Variants in SMOC2 observed in about 807,000 individuals in gnomAD.
SMOC2 encodes the protein SPARC-related modular calcium-binding protein 2.
Under a neutral mutation model 61.4 loss-of-function variants are expected in SMOC2, and 39 were observed. The ratio of observed to expected loss-of-function variants is 0.64; its 90% CI spans 0.49 to 0.83. SMOC2 has a LOEUF of 0.83. SMOC2 is among the 40% of genes least tolerant of loss of function. The probability of loss-of-function intolerance (pLI) is 0.00; values close to 1 mark genes in which losing one functional copy is unlikely to be tolerated. For missense variants in SMOC2, 556 were observed against 592.9 expected (o/e 0.94, Z 0.65); for synonymous variants, 247 against 239.9 (o/e 1.03, Z -0.27).
chr6:168,483,190 TAC>T (rs748995842), intron 1 of SMOC2, among the ~76,000 whole-genome samples: 141 of 151,032 alleles, frequency 9.3e-4, no homozygotes, highest in African/African-American at 1.5e-3. Context: ...TACACACACA[TAC>T]ACACACACAC....
chr6:168,578,728 C>T (rs1195641556), intron 7 of SMOC2, among the ~76,000 whole-genome samples: 1 of 152,212 alleles, frequency 6.6e-6, no homozygotes, highest in Non-Finnish European at 1.5e-5. Flanking sequence ...AGCTTTCTAA[C>T]CTCATGTCAT....
chr6:168,588,748 C>T (rs112678971), intron 7 of SMOC2, among the ~76,000 whole-genome samples: 47 of 152,272 alleles, frequency 3.1e-4, no homozygotes, highest in African/African-American at 9.6e-4. Flanking sequence ...ATGACTACTA[C>T]AGACTTAAAT....
intron 10 of SMOC2, 150 bp downstream of exon 10, chr6:168,650,933 T>C: frequency 1.4e-6 from 1 of 700,784 alleles, no homozygotes; most frequent in South Asian, 1.9e-5. Flanking sequence ...ACACAGGAAG[T>C]TGCTTAGCAG....
intron 1 of SMOC2, among the ~76,000 whole-genome samples, chr6:168,457,375 G>C (rs1337442340): frequency 6.6e-6 from 1 of 152,156 alleles, no homozygotes; most frequent in African/African-American, 2.4e-5. Context: ...AACACAAGCA[G>C]TGCCCGAGGG....
chr6:168,547,271 G>C (rs1288559441), intron 6 of SMOC2, 102 bp downstream of exon 6: 1 of 957,596 alleles, frequency 1.0e-6, no homozygotes, highest in South Asian at 1.3e-5. Flanking sequence ...GCTCCGTTCA[G>C]TATGGAGTGT....
intron 9 of SMOC2, among the ~76,000 whole-genome samples, chr6:168,626,213 G>A (rs934936517): frequency 2.1e-4 from 32 of 152,324 alleles, no homozygotes; most frequent in Admixed American, 2.0e-4. Flanking sequence ...AGACAGACCT[G>A]TCTCACTCCT....
chr6:168,488,817 A>G (rs983663192), intron 1 of SMOC2, among the ~76,000 whole-genome samples: 2 of 151,820 alleles, frequency 1.3e-5, no homozygotes, highest in African/African-American at 4.8e-5. Flanking sequence ...TTAGAGGGAA[A>G]TATATCGAAT....
intron 2 of SMOC2, among the ~76,000 whole-genome samples, chr6:168,523,318 G>C (rs1262595452): frequency 2.7e-5 from 4 of 149,360 alleles, no homozygotes; most frequent in Admixed American, 6.7e-5. Context: ...TCGATCTCCT[G>C]ACCTCAAGAT....
chr6:168,514,814 C>T (rs1414778224), intron 2 of SMOC2, among the ~76,000 whole-genome samples: 1 of 152,186 alleles, frequency 6.6e-6, no homozygotes, highest in Non-Finnish European at 1.5e-5. Context: ...CGCGAAGAAG[C>T]TTCCGCTTTA....
chr6:168,441,894 C>T (rs1015607952), intron 1 of SMOC2, among the ~76,000 whole-genome samples: 1 of 152,118 alleles, frequency 6.6e-6, no homozygotes, highest in African/African-American at 2.4e-5. Flanking sequence ...CGCGGACTGT[C>T]CCAAGGCCAA....
intron 4 of SMOC2, among the ~76,000 whole-genome samples, chr6:168,538,458 G>A (rs1488183588): frequency 4.0e-5 from 4 of 100,774 alleles, no homozygotes; most frequent in East Asian, 3.6e-4. Context: ...GGTGACCGCT[G>A]CTGGAATGTG....
chr6:168,454,907 G>A (rs891030739), intron 1 of SMOC2, among the ~76,000 whole-genome samples: 3 of 152,164 alleles, frequency 2.0e-5, no homozygotes, highest in African/African-American at 7.2e-5. Flanking sequence ...CCTGTGGCCA[G>A]GGTCCCGGTT....
intron 5 of SMOC2, among the ~76,000 whole-genome samples, chr6:168,545,699 C>A (rs1279502764): frequency 6.6e-6 from 1 of 152,234 alleles, no homozygotes; most frequent in Non-Finnish European, 1.5e-5. Context: ...CCCTGCCTGC[C>A]ATTCAGGCTG....
intron 5 of SMOC2, among the ~76,000 whole-genome samples, chr6:168,545,374 G>T (rs186727876): frequency 1.2e-3 from 183 of 152,300 alleles, no homozygotes; most frequent in African/African-American, 4.3e-3. Context: ...AAGCAACAGA[G>T]CTGGTTTCCA....
At chr6:168,557,712 T>C (rs775000937) in intron 7 of SMOC2, among the ~76,000 whole-genome samples, 6 of 152,108 alleles carry the variant, frequency 3.9e-5, no homozygotes, top group Non-Finnish European at 8.8e-5. Flanking sequence ...TTGACGTCAC[T>C]AGTTGCTCAT....
At chr6:168,466,081 G>T (rs532732975) in intron 1 of SMOC2, among the ~76,000 whole-genome samples, 74 of 131,880 alleles carry the variant, frequency 5.6e-4, no homozygotes, top group African/African-American at 2.0e-3. Flanking sequence ...ATGAAGCGAG[G>T]TGCTGCTCTG....
chr6:168,660,528 G>A (rs536835867), intron 11 of SMOC2, among the ~76,000 whole-genome samples: 11 of 152,358 alleles, frequency 7.2e-5, no homozygotes, highest in South Asian at 4.1e-4. Flanking sequence ...CTTCATGCAA[G>A]TGACTACAGA....
chr6:168,638,233 G>GTTATCA (rs200214138), intron 9 of SMOC2, among the ~76,000 whole-genome samples: 1 of 131,128 alleles, frequency 7.6e-6, no homozygotes, highest in African/African-American at 2.7e-5. Flanking sequence ...AAATAATGTT[G>GTTATCA]TTATTGTTAT....
intron 1 of SMOC2, among the ~76,000 whole-genome samples, chr6:168,487,906 T>C (rs536163461): frequency 2.6e-5 from 4 of 152,374 alleles, no homozygotes; most frequent in South Asian, 4.1e-4. Context: ...ATATTCTATA[T>C]GTAAAGCAGT....
Sources: allele counts gnomAD v4.1 joint callset (sites outside exome capture counted in the v4.1 genomes callset), GRCh38; gene constraint gnomAD v4.1.1; transcripts MANE v1.5; gene names NCBI Gene and HGNC (gene_info 2026-07-23, HGNC 2026-07-21).